ADAM11: variants seen among roughly 807,000 people sequenced by gnomAD.
The protein encoded by ADAM11 is disintegrin and metalloproteinase domain-containing protein 11.
A neutral mutation model predicts 119.1 loss-of-function variants in ADAM11; 49 were observed. The ratio of observed to expected loss-of-function variants is 0.41; its 90% CI spans 0.33 to 0.52. The LOEUF (loss-of-function observed/expected upper bound fraction) is 0.52, where lower values mean the gene tolerates loss of function less well. ADAM11 is among the 20% of genes least tolerant of loss of function. ADAM11 has a pLI of 0.20. For missense variants in ADAM11, 777 were observed against 1,047.5 expected, an observed-to-expected ratio of 0.74 and a Z score of 3.56; for synonymous variants, 364 against 408.0, an observed-to-expected ratio of 0.89 and a Z score of 1.30.
At chr17:44,769,825 G>C (rs778777315) in intron 3 of ADAM11, 31 bp downstream of exon 3, 1 of 1,610,970 alleles carries the variant, frequency 6.2e-7, no homozygotes, top group Non-Finnish European at 8.5e-7. Context: ...AAGAGGAAGG[G>C]CAGTGGTGGG....
At position 44,775,649 on chromosome 17, in the gene ADAM11, C is replaced by T. The variant is rs371943218; in HGVS notation, c.1458C>T (p.Ser486=). ...CCCTGACTCACGACGCCATGTGCAGCGACGGGCTCTGCTGTCGCCGCTGCA... is the reference window on the plus strand; with the variant it reads ...CCCTGACTCACGACGCCATGTGCAGTGACGGGCTCTGCTGTCGCCGCTGCA... The part of the protein sequence containing the change: ...KCTLTHDAMC[S]DGLCCRRCKY... The change falls in exon 17 of 27, where the codon AGC becomes AGT. Residue 486 remains serine, a synonymous_variant. Transcript: ENST00000200557. This position sits in a 1 kb window ranked among gnomAD's most constrained non-coding sequence, Gnocchi z 7.5. The T allele has an allele frequency of 6.3e-5, 100 of 1,590,834 alleles. No individual in the cohort carries two copies. Among genetic ancestry groups the T allele is most frequent in the Middle Eastern group, 3.3e-4 (2 of 5,988 alleles).
rs375804266 is a variant in ADAM11, at chr17:44,772,295, C to T, written c.572C>T (p.Thr191Ile). Residue 191 changes from threonine (T) to isoleucine (I), a missense_variant, in exon 7 of 27, where the codon ACC becomes ATC. Physicochemically the swap from Thr to Ile is moderately conservative, Grantham distance 89. Coordinates refer to ENST00000200557, the MANE Select transcript of ADAM11 (RefSeq NM_002390.6). The surrounding 1 kb of genome is among the most constrained non-coding windows in gnomAD (Gnocchi z 4.5). Reference sequence around the variant, plus strand: ...CCCCTTCCCCACCTCATTTACCGGACCCCTCTCCTCCCAGATCCCCTCGGA... The same window carrying T: ...CCCCTTCCCCACCTCATTTACCGGATCCCTCTCCTCCCAGATCCCCTCGGA... ...QGPLPHLIYR[T>I]PLLPDPLGCR... 21 of 1,607,968 alleles carry T rather than the reference C, an allele frequency of 1.3e-5. No individual in the cohort carries two copies. The African/African-American group carries it at 2.3e-4, about 17-fold the overall frequency.
chr17:44,778,312 T>C, intron 25 of ADAM11, 70 bp downstream of exon 25: 1 of 1,469,956 alleles, frequency 6.8e-7, no homozygotes, highest in Non-Finnish European at 9.2e-7. Context: ...CTGGTGGAGC[T>C]GAGGGGGCCC....
In ADAM11 at chr17:44,773,220, A is replaced by T; in HGVS notation, c.826-41A>T. 1 of 1,607,680 alleles carries T rather than the reference A, an allele frequency of 6.2e-7. No homozygotes were observed. Among genetic ancestry groups the T allele is most frequent in the South Asian group, 1.1e-5 (1 of 90,792 alleles). ...AGGCCCTCCTCCAGCCCTGGCCCCA[A>T]CACCCACTCCCACCCTCCAGCCCCC... On this transcript the variant is annotated intron_variant, in intron 10 of 26. Coordinates refer to ENST00000200557, the MANE Select transcript of ADAM11 (RefSeq NM_002390.6). This position sits in a 1 kb window ranked among gnomAD's most constrained non-coding sequence, Gnocchi z 4.6.
intron 25 of ADAM11, among the ~76,000 whole-genome samples, chr17:44,778,844 C>T (rs1449076492): frequency 6.6e-6 from 1 of 152,108 alleles, no homozygotes; most frequent in African/African-American, 2.4e-5. Flanking sequence ...CAAATAGCCA[C>T]AGAGTGGAGC....
chr17:44,761,350 T>A (rs2145202713), intron 2 of ADAM11, among the ~76,000 whole-genome samples: 1 of 152,250 alleles, frequency 6.6e-6, no homozygotes, highest in East Asian at 1.9e-4. Flanking sequence ...CTGGGCAGGT[T>A]GCTCCTTCAG....
rs772992339 is a variant in ADAM11, at chr17:44,777,468, A to G, written c.1782-14A>G. 2.5e-6 allele frequency: 4 copies of G among 1,613,096 alleles called. No individual in the cohort carries two copies. The highest frequency in any genetic ancestry group is 2.2e-5 in the East Asian group (1 of 44,890). ...GTCAAACTTGGGGCTCACTGTCTCT[A>G]TATGCCCCAACAGGGACGTGCTGTG... On this transcript the variant is annotated splice_polypyrimidine_tract_variant and intron_variant, in intron 21 of 26. Transcript: ENST00000200557. This position sits in a 1 kb window ranked among gnomAD's most constrained non-coding sequence, Gnocchi z 5.1.
chr17:44,774,858 C>A, intron 14 of ADAM11, 109 bp downstream of exon 14: 2 of 1,347,316 alleles, frequency 1.5e-6, no homozygotes, highest in Non-Finnish European at 2.0e-6. Context: ...GCTCACAGAA[C>A]CACTCAGGAT....
rs2049586683 is a variant in ADAM11 at position 44,775,479 on chromosome 17, C to T, written c.1392+14C>T. 6.2e-7 allele frequency: 1 copy of T among 1,601,868 alleles called. No individual in the cohort carries two copies. Among genetic ancestry groups the T allele is most frequent in the East Asian group, 2.2e-5 (1 of 44,602 alleles). ...GGCTCGGTGCAGGTGAGCGGTGGTG[C>T]GGGCGCCAGGTGGGGAACCGGGATG... On this transcript the variant is annotated intron_variant, in intron 16 of 26. Coordinates refer to ENST00000200557, the MANE Select transcript of ADAM11 (RefSeq NM_002390.6). The surrounding 1 kb of genome is among the most constrained non-coding windows in gnomAD (Gnocchi z 7.5).
intron 2 of ADAM11, among the ~76,000 whole-genome samples, chr17:44,764,270 C>T (rs1402561478): frequency 6.6e-6 from 1 of 152,218 alleles, no homozygotes; most frequent in Non-Finnish European, 1.5e-5. Context: ...CCCAGAAGCC[C>T]TCCACGGTGG....
At chr17:44,767,672 C>T (rs948407629) in intron 2 of ADAM11, among the ~76,000 whole-genome samples, 4 of 152,254 alleles carry the variant, frequency 2.6e-5, no homozygotes, top group Non-Finnish European at 4.4e-5. Context: ...CCAGCTGCCC[C>T]GGCACTGCCC....
At chr17:44,779,388 C>G (rs915371866) in intron 26 of ADAM11, 149 bp downstream of exon 26, 1 of 1,455,436 alleles carries the variant, frequency 6.9e-7, no homozygotes, top group Non-Finnish European at 9.0e-7. Context: ...GCTGTCCCGG[C>G]AGGGGTGGGA....
chr17:44,770,188 C>A, intron 4 of ADAM11, 140 bp downstream of exon 4: 1 of 1,052,572 alleles, frequency 9.5e-7, no homozygotes, highest in Non-Finnish European at 1.4e-6. Flanking sequence ...CCCTCTCTCC[C>A]GACCCAGGAG....
rs2049667699 is a variant in ADAM11, at chr17:44,779,856, C to T, written c.*102C>T. ...GAGGGAGGCACCATGCAAATGTCTT[C>T]CAGGTCCAAACCCTTCAACTCCTGG... On this transcript the variant is annotated 3_prime_UTR_variant, in exon 27 of 27. Transcript: ENST00000200557. 2 of 1,504,164 alleles carry T rather than the reference C, an allele frequency of 1.3e-6. No homozygotes were observed. Among genetic ancestry groups the T allele is most frequent in the Non-Finnish European group, 9.2e-7 (1 of 1,088,192 alleles). The allele number at this position is 1,504,164 out of a possible 1,614,324, so 93.2% of individuals were successfully genotyped here. A position where few individuals can be genotyped will look rare whatever the true frequency, so the allele number is the denominator to read the frequency against.
Position 44,776,912 on chromosome 17 carries a change from G to A in ADAM11, c.1631G>A (p.Gly544Glu), listed in dbSNP as rs141609665. 1 of 1,613,576 alleles carries A rather than the reference G, an allele frequency of 6.2e-7. No individual in the cohort carries two copies. The stretch of plus-strand genomic sequence containing the variant: ...TTGGACTCTCAGGGCCGCTGCTACG[G>A]AGGTCGCTGCAAAACCCGGGACCGG... ...YCDHEQGRCY[G>E]GRCKTRDRQC... The change falls in exon 20 of 27, where the codon GGA becomes GAA. Residue 544 changes from glycine to glutamate, a missense_variant. This residue lies in a region of ADAM11 where 348 missense variants were observed against 486.7 expected (regional missense o/e 0.72). Coordinates refer to ENST00000200557, the MANE Select transcript of ADAM11 (RefSeq NM_002390.6). This position sits in a 1 kb window ranked among gnomAD's most constrained non-coding sequence, Gnocchi z 5.2.
Position 44,777,242 on chromosome 17 carries a change from T to C in ADAM11, c.1758T>C (p.Ser586=), listed in dbSNP as rs8075210. 0.62 allele frequency: 997,062 copies of C among 1,606,000 alleles called. 311,881 individuals are homozygous for C. Among genetic ancestry groups the C allele is most frequent in the East Asian group, 0.8 (35,672 of 44,798 alleles). The part of the protein sequence containing the change: ...TERGSCGRKG[S]GWVQCSKQDV... ...GTGGGAGCTGTGGGCGCAAGGGATC[T>C]GGCTGGGTCCAGTGCAGTAAGCAGT... Residue 586 remains serine (S), a synonymous_variant, in exon 21 of 27, where the codon TCT becomes TCC. Coordinates refer to ENST00000200557, the MANE Select transcript of ADAM11 (RefSeq NM_002390.6). The surrounding 1 kb of genome is among the most constrained non-coding windows in gnomAD (Gnocchi z 5.1).
chr17:44,779,725 C>G lies in ADAM11; in HGVS notation c.2295-14C>G, dbSNP rs2049665649. 6.3e-7 allele frequency: 1 copy of G among 1,594,278 alleles called. No individual in the cohort carries two copies. The highest frequency in any genetic ancestry group is 1.9e-5 in the Admixed American group (1 of 52,352). ...CTGCTCACGTCCTCCCCTGATGCCC[C>G]CTCTCCGTTCCAGGTCCGGAGGGGC... On this transcript the variant is annotated splice_polypyrimidine_tract_variant and intron_variant, in intron 26 of 26. Transcript: ENST00000200557.
intron 4 of ADAM11, among the ~76,000 whole-genome samples, 155 bp from the exon 5 acceptor site, chr17:44,771,429 C>T (rs1298649489): frequency 6.6e-6 from 1 of 152,140 alleles, no homozygotes; most frequent in Non-Finnish European, 1.5e-5. Context: ...TTAGGAGCAC[C>T]AGCCATCTAG....
rs780206938 is a variant in ADAM11 at position 44,772,352 on chromosome 17, GGT to G, written c.610+21_610+22del. On this transcript the variant is annotated intron_variant, in intron 7 of 26. Transcript: ENST00000200557. The surrounding 1 kb of genome is among the most constrained non-coding windows in gnomAD (Gnocchi z 4.5). ...GAACCAGGTAAGGGAGGGAAGGGGGGGTGGGGAGGGGCCGGCTGTGCCCCCCT... is the reference window on the plus strand; with the variant it reads ...GAACCAGGTAAGGGAGGGAAGGGGGGGGGGAGGGGCCGGCTGTGCCCCCCT... The G allele has an allele frequency of 6.9e-6, 11 of 1,584,730 alleles. No homozygotes were observed. In the South Asian group the frequency reaches 1.3e-4, roughly 18 times the overall value.
Sources: gnomAD v4.1 joint callset for allele counts (sites outside exome capture counted in the v4.1 genomes callset) on GRCh38, gnomAD v4.1.1 for gene constraint, gnomAD v4.1.1 regional missense constraint, Gnocchi (gnomAD v3.1) non-coding constraint, MANE v1.5 for transcripts, NCBI Gene and HGNC (gene_info 2026-07-23, HGNC 2026-07-21) for gene names.